The following GPC5 variants were observed in gnomAD, a reference collection of about 807,000 sequenced individuals.
GPC5 encodes the protein glypican-5.
In GPC5, 47 loss-of-function variants were observed where a neutral mutation model predicts 53.9. The observed-to-expected ratio is 0.87, with a 90% CI of 0.69 to 1.11. The LOEUF (loss-of-function observed/expected upper bound fraction) is 1.11, where lower values mean the gene tolerates loss of function less well. Ranked by LOEUF, GPC5 falls within the 50% of genes most tolerant of loss-of-function variation. The pLI, the probability that GPC5 is intolerant of heterozygous loss-of-function variation, is 0.00. For synonymous variants in GPC5, 286 were observed against 263.3 expected, an observed-to-expected ratio of 1.09 and a Z score of -0.84; for missense variants, 748 against 713.1, an observed-to-expected ratio of 1.05 and a Z score of -0.56.
intron 2 of GPC5, among the ~76,000 whole-genome samples, chr13:91,501,585 C>T (rs1179008821): frequency 6.6e-6 from 1 of 152,116 alleles, no homozygotes; most frequent in Non-Finnish European, 1.5e-5. Context: ...TCATCCTTTT[C>T]TGTGGCTGCA....
At chr13:91,694,697 C>CT in intron 3 of GPC5, among the ~76,000 whole-genome samples, 1 of 152,300 alleles carries the variant, frequency 6.6e-6, no homozygotes, top group Non-Finnish European at 1.5e-5. Flanking sequence ...TAAAATTATA[C>CT]TCTCCAGTGC....
At chr13:92,758,597 G>T (rs1439287977) in intron 7 of GPC5, among the ~76,000 whole-genome samples, 1 of 152,054 alleles carries the variant, frequency 6.6e-6, no homozygotes, top group Non-Finnish European at 1.5e-5. Flanking sequence ...CCATTCTTTG[G>T]CTGTTATAGC....
Position 91,851,964 on chromosome 13 carries a change from C to T in GPC5, c.1281-55973C>T, listed in dbSNP as rs375860069. 1.4e-3 allele frequency among the ~76,000 whole-genome samples: 206 copies of T among 150,322 alleles called. 1 individual carries two copies. Among genetic ancestry groups the T allele is most frequent in the South Asian group, 4.6e-3 (22 of 4,752 alleles). ...TGAATAATGCCGCAATAAACATACG[C>T]GTGCATGTGTCTTTATAGCAGCATG... On this transcript the variant is annotated intron_variant, in intron 5 of 7. Coordinates refer to ENST00000377067, the MANE Select transcript of GPC5 (RefSeq NM_004466.6).
intron 4 of GPC5, among the ~76,000 whole-genome samples, chr13:91,732,436 G>A (rs1433673822): frequency 2.0e-5 from 3 of 151,448 alleles, no homozygotes; most frequent in African/African-American, 7.3e-5. Flanking sequence ...TTTGTCAGAT[G>A]GGTGGATTGC....
At chr13:92,454,075 A>G (rs931232735) in intron 7 of GPC5, among the ~76,000 whole-genome samples, 3 of 152,204 alleles carry the variant, frequency 2.0e-5, no homozygotes, top group African/African-American at 7.2e-5. Flanking sequence ...TGTTAAACAT[A>G]TGTTCATGGT....
chr13:92,105,723 T>C (rs868850020), intron 6 of GPC5, among the ~76,000 whole-genome samples: 1 of 152,044 alleles, frequency 6.6e-6, no homozygotes, highest in Non-Finnish European at 1.5e-5. Flanking sequence ...ATAAATTATA[T>C]ATATTAATCT....
intron 7 of GPC5, among the ~76,000 whole-genome samples, chr13:92,641,074 G>A (rs988101310): frequency 6.6e-6 from 1 of 152,100 alleles, no homozygotes; most frequent in Non-Finnish European, 1.5e-5. Flanking sequence ...TTATCTTTGG[G>A]AAGAGCTGGG....
At position 92,596,693 on chromosome 13, in the gene GPC5, C is replaced by T. The variant is rs139540287; in HGVS notation, c.1562-269589C>T. On this transcript the variant is annotated intron_variant, in intron 7 of 7. Coordinates refer to ENST00000377067, the MANE Select transcript of GPC5 (RefSeq NM_004466.6). ...TTCAACATGTTGGCCAGGATGGTCTCAATCTCTTGACCTTGTGATCCACCT... is the reference window on the plus strand; with the variant it reads ...TTCAACATGTTGGCCAGGATGGTCTTAATCTCTTGACCTTGTGATCCACCT... Among the ~76,000 whole-genome samples, 506 of 152,234 alleles carry T rather than the reference C, an allele frequency of 3.3e-3. 2 individuals are homozygous for T. Among genetic ancestry groups the T allele is most frequent in the Non-Finnish European group, 3.7e-3 (249 of 68,000 alleles).
chr13:92,246,928 T>A (rs2042655387), intron 7 of GPC5, among the ~76,000 whole-genome samples: 1 of 152,162 alleles, frequency 6.6e-6, no homozygotes, highest in Admixed American at 6.6e-5. Context: ...ATGTCTGTGA[T>A]AAAATCCATA....
At chr13:92,695,915 T>C (rs1051792831) in intron 7 of GPC5, among the ~76,000 whole-genome samples, 2 of 152,082 alleles carry the variant, frequency 1.3e-5, no homozygotes, top group Admixed American at 6.5e-5. Flanking sequence ...TGTGTTCTCA[T>C]TGTCCAACTA....
chr13:92,174,379 A>C (rs1341526869), intron 7 of GPC5, among the ~76,000 whole-genome samples: 5 of 148,868 alleles, frequency 3.4e-5, no homozygotes, highest in African/African-American at 5.0e-5. Flanking sequence ...AAAAAAAACA[A>C]AAAAAAATGG....
At chr13:92,399,075 G>T (rs1466862341) in intron 7 of GPC5, among the ~76,000 whole-genome samples, 1 of 152,146 alleles carries the variant, frequency 6.6e-6, no homozygotes, top group African/African-American at 2.4e-5. Flanking sequence ...CCACCCAAAA[G>T]ACTCTACAGA....
rs78496244 is a variant in GPC5, at chr13:91,448,431, T to C, written c.164-330T>C. Among the ~76,000 whole-genome samples the C allele has an allele frequency of 8.8e-3, 1,337 of 152,318 alleles. 23 individuals carry two copies. Among genetic ancestry groups the C allele is most frequent in the South Asian group, 0.079 (382 of 4,830 alleles). The stretch of plus-strand genomic sequence containing the variant: ...TTTCTTTCAAGCAATTTTGGCTGAA[T>C]TGATAAAATAAGCAAAAAACCCACA... On this transcript the variant is annotated intron_variant, in intron 1 of 7. Transcript: ENST00000377067.
At chr13:92,390,058 G>T (rs1156878273) in intron 7 of GPC5, among the ~76,000 whole-genome samples, 7 of 151,990 alleles carry the variant, frequency 4.6e-5, no homozygotes, top group African/African-American at 1.4e-4. Context: ...ATTTTGTCTT[G>T]ATTCAAGGGA....
At chr13:92,148,436 CT>C (rs971052615) in intron 7 of GPC5, among the ~76,000 whole-genome samples, 30 of 152,020 alleles carry the variant, frequency 2.0e-4, no homozygotes, top group African/African-American at 7.2e-4. Flanking sequence ...CATCTTACTG[CT>C]TTCTAAATAA....
At position 92,105,152 on chromosome 13, in the gene GPC5, G is replaced by T. The variant is rs527318764; in HGVS notation, c.1402-39678G>T. Among the ~76,000 whole-genome samples, 111 of 151,944 alleles carry T rather than the reference G, an allele frequency of 7.3e-4. 1 individual carries two copies. Among genetic ancestry groups the T allele is most frequent in the African/African-American group, 2.5e-3 (102 of 41,458 alleles). ...TCATTAAAATAATTCACTTTGATGT[G>T]AGGAAGAGCTTCTTGTCTTAGAGGC... On this transcript the variant is annotated intron_variant, in intron 6 of 7. Coordinates refer to ENST00000377067, the MANE Select transcript of GPC5 (RefSeq NM_004466.6).
chr13:91,748,634 G>A lies in GPC5; in HGVS notation c.1155-7661G>A, dbSNP rs2037102452. On this transcript the variant is annotated intron_variant, in intron 4 of 7. Transcript: ENST00000377067. ...TTTAGGAAGCACATTCATTAATTGG[G>A]AAGGTAGATTGGCATACAGGGGGAT... 3.3e-5 allele frequency among the ~76,000 whole-genome samples: 5 copies of A among 152,198 alleles called. No homozygotes were observed. In the South Asian group the frequency reaches 1.0e-3, roughly 32 times the overall value.
intron 7 of GPC5, among the ~76,000 whole-genome samples, chr13:92,499,295 A>G (rs547000229): frequency 4.2e-4 from 64 of 152,274 alleles, no homozygotes; most frequent in African/African-American, 1.5e-3. Context: ...TTTCTCCCAA[A>G]TGTTACTGGC....
intron 7 of GPC5, among the ~76,000 whole-genome samples, chr13:92,480,068 C>T (rs1432727079): frequency 6.6e-6 from 1 of 152,100 alleles, no homozygotes; most frequent in African/African-American, 2.4e-5. Flanking sequence ...GGGAGGATCA[C>T]TTGAGGCCAG....
Sources: gnomAD v4.1 joint callset for allele counts (sites outside exome capture counted in the v4.1 genomes callset) on GRCh38, gnomAD v4.1.1 for gene constraint, MANE v1.5 for transcripts, NCBI Gene and HGNC (gene_info 2026-07-23, HGNC 2026-07-21) for gene names.